Variants in PDE6D observed in about 807,000 individuals in gnomAD.
PDE6D encodes phosphodiesterase 6D.
PDE6D carries 10 observed loss-of-function variants against 21.9 expected under a neutral mutation model. The ratio of observed to expected loss-of-function variants is 0.46; its 90% confidence interval spans 0.28 to 0.78. The LOEUF (loss-of-function observed/expected upper bound fraction) is 0.78, where lower values mean the gene tolerates loss of function less well. Ranked by LOEUF, PDE6D falls within the 30% of genes least tolerant of loss-of-function variation. The probability of loss-of-function intolerance (pLI) is 0.12; values close to 1 mark genes in which losing one functional copy is unlikely to be tolerated. For missense variants in PDE6D, 139 were observed against 184.8 expected (o/e 0.75, Z 1.44); for synonymous variants, 59 against 63.5 (o/e 0.93, Z 0.34).
chr2:231,734,990 C>T (rs1486601836), intron 4 of PDE6D, among the ~76,000 whole-genome samples: 2 of 151,462 alleles, frequency 1.3e-5, no homozygotes, highest in Non-Finnish European at 2.9e-5. Context: ...CGTCTGTAAT[C>T]CCAGCACTTT....
chr2:231,745,506 C>T (rs1222866441), intron 1 of PDE6D, among the ~76,000 whole-genome samples: 2 of 152,198 alleles, frequency 1.3e-5, no homozygotes, highest in East Asian at 3.9e-4. Flanking sequence ...TTAAAAGCTC[C>T]CTGGTGATTT....
At chr2:231,747,193 C>T (rs1232453421) in intron 1 of PDE6D, among the ~76,000 whole-genome samples, 4 of 152,146 alleles carry the variant, frequency 2.6e-5, no homozygotes, top group African/African-American at 9.7e-5. Context: ...CGGGTTCAAG[C>T]GATTCTCCTG....
intron 1 of PDE6D, among the ~76,000 whole-genome samples, chr2:231,769,248 G>A (rs1213720315): frequency 1.3e-5 from 2 of 152,212 alleles, no homozygotes; most frequent in Non-Finnish European, 2.9e-5. Flanking sequence ...CTGAATGAAT[G>A]GCCAGTGAGT....
intron 1 of PDE6D, among the ~76,000 whole-genome samples, chr2:231,747,500 C>T (rs1325882726): frequency 6.6e-6 from 1 of 152,198 alleles, no homozygotes; most frequent in Admixed American, 6.5e-5. Flanking sequence ...CATGTGTTAG[C>T]TATTATTATT....
intron 1 of PDE6D, chr2:231,778,656 G>A (rs900861493): frequency 6.6e-6 from 1 of 152,230 alleles, no homozygotes; most frequent in Non-Finnish European, 1.5e-5. Flanking sequence ...TAAGAAAATT[G>A]AGGTGAGGTT....
intron 1 of PDE6D, among the ~76,000 whole-genome samples, chr2:231,762,384 G>A (rs914274798): frequency 1.6e-5 from 2 of 123,600 alleles, no homozygotes; most frequent in East Asian, 2.3e-4. Context: ...TTGCTCTGTC[G>A]ACCAGGCTGG....
At chr2:231,772,605 A>G (rs1030824248) in intron 1 of PDE6D, among the ~76,000 whole-genome samples, 2 of 152,196 alleles carry the variant, frequency 1.3e-5, no homozygotes, top group African/African-American at 2.4e-5. Flanking sequence ...GGATAGGTCT[A>G]TAAGTCAAAT....
intron 4 of PDE6D, among the ~76,000 whole-genome samples, chr2:231,733,338 G>A (rs2048667373): frequency 6.6e-6 from 1 of 152,160 alleles, no homozygotes; most frequent in African/African-American, 2.4e-5. Flanking sequence ...TTATAGATCC[G>A]ACTGACTTTC....
At chr2:231,744,988 G>A (rs1474302752) in intron 1 of PDE6D, among the ~76,000 whole-genome samples, 4 of 152,256 alleles carry the variant, frequency 2.6e-5, no homozygotes, top group African/African-American at 7.2e-5. Flanking sequence ...TGGGATTGAG[G>A]CCATTGAAGG....
intron 1 of PDE6D, among the ~76,000 whole-genome samples, chr2:231,775,966 TA>T (rs1278593599): frequency 4.6e-5 from 7 of 152,216 alleles, no homozygotes; most frequent in African/African-American, 1.7e-4. Context: ...AATAAAGTTA[TA>T]TTTTTATGTT....
intron 1 of PDE6D, among the ~76,000 whole-genome samples, chr2:231,769,571 C>T (rs1372972673): frequency 6.6e-6 from 1 of 151,982 alleles, no homozygotes; most frequent in Non-Finnish European, 1.5e-5. Flanking sequence ...TATACACATA[C>T]ACACACAGAT....
chr2:231,779,717 A>G (rs1158927970), intron 1 of PDE6D, among the ~76,000 whole-genome samples: 1 of 152,252 alleles, frequency 6.6e-6, no homozygotes, highest in Non-Finnish European at 1.5e-5. Context: ...AAAGTTTATC[A>G]CAGATGGTAG....
intron 1 of PDE6D, among the ~76,000 whole-genome samples, chr2:231,774,452 CA>C (rs750691402): frequency 6.6e-6 from 1 of 152,186 alleles, no homozygotes; most frequent in African/African-American, 2.4e-5. Context: ...CCCATACTCT[CA>C]ACCACTGTGC....
rs1258024096 is a variant in PDE6D, at chr2:231,739,252, G to A, written c.51-64C>T. ...GTGACTCCCACTTTGTATTCTAGGT[G>A]TCTCATGTTTACTCCCACCAACTCT... On this transcript the variant is annotated intron_variant, in intron 1 of 4. Coordinates refer to ENST00000287600, the MANE Select transcript of PDE6D (RefSeq NM_002601.4). This position sits in a 1 kb window ranked among gnomAD's most constrained non-coding sequence, Gnocchi z 4.2. The A allele has an allele frequency of 2.0e-6, 2 of 1,005,532 alleles. No individual in the cohort carries two copies. The highest frequency in any genetic ancestry group is 3.2e-5 in the African/African-American group (2 of 63,298). 62.3% of individuals were successfully genotyped at this position (1,005,532 alleles called of 1,614,324 possible). A position where few individuals can be genotyped will look rare whatever the true frequency, so the allele number is the denominator to read the frequency against.
chr2:231,762,936 TA>T (rs1026432189), intron 1 of PDE6D, among the ~76,000 whole-genome samples: 9 of 143,992 alleles, frequency 6.3e-5, no homozygotes, highest in African/African-American at 7.7e-5. Context: ...CCATCTCTAC[TA>T]AAAAAAAAAG....
chr2:231,778,598 T>C (rs557360029), intron 1 of PDE6D: 1 of 152,360 alleles, frequency 6.6e-6, no homozygotes, highest in East Asian at 1.9e-4. Flanking sequence ...ACTCATTTAC[T>C]CTTACAGCCC....
At chr2:231,758,309 G>GT (rs540543710) in intron 1 of PDE6D, among the ~76,000 whole-genome samples, 2,921 of 148,746 alleles carry the variant, frequency 0.02, 83 homozygotes, top group African/African-American at 0.066. Context: ...TTTTTTTTTT[G>GT]TTTTTTTTTG....
chr2:231,766,714 G>A (rs937469010), intron 1 of PDE6D, among the ~76,000 whole-genome samples: 27 of 152,018 alleles, frequency 1.8e-4, no homozygotes, highest in African/African-American at 6.0e-4. Flanking sequence ...GAAAGCTGGC[G>A]GGGCATGGTG....
At position 231,737,328 on chromosome 2, in the gene PDE6D, C is replaced by T. The variant is rs181434482; in HGVS notation, c.266-36G>A. Reference sequence around the variant, plus strand: ...AAGGAAAAGCCGGGGTGAGCAGGTGCCCCAGTATAAAGTTTAAGGGCTCTT... The same window carrying T: ...AAGGAAAAGCCGGGGTGAGCAGGTGTCCCAGTATAAAGTTTAAGGGCTCTT... On this transcript the variant is annotated intron_variant, in intron 3 of 4. Transcript: ENST00000287600. The T allele has an allele frequency of 5.8e-4, 674 of 1,166,982 alleles. 3 individuals carry two copies. The Admixed American group carries it at 0.01, about 18-fold the overall frequency. The allele number at this position is 1,166,982 out of a possible 1,614,324, so 72.3% of individuals were successfully genotyped here.
Sources: gnomAD v4.1 joint callset for allele counts (sites outside exome capture counted in the v4.1 genomes callset) on GRCh38, gnomAD v4.1.1 for gene constraint, Gnocchi (gnomAD v3.1) non-coding constraint, MANE v1.5 for transcripts, NCBI Gene and HGNC (gene_info 2026-07-23, HGNC 2026-07-21) for gene names.